CALN1: variants seen among roughly 807,000 people sequenced by gnomAD.
CALN1 encodes calcium-binding protein 8.
Under a neutral mutation model 30.6 loss-of-function variants are expected in CALN1, and 17 were observed. That is an observed-to-expected ratio of 0.56 (90% CI 0.38 to 0.83). The LOEUF (loss-of-function observed/expected upper bound fraction) is 0.83. CALN1 is among the 40% of genes least tolerant of loss of function. The pLI is 0.00. For missense variants in CALN1, 291 were observed against 354.9 expected (o/e 0.82, Z 1.45); for synonymous variants, 156 against 131.4 (o/e 1.19, Z -1.28).
intron 4 of CALN1, among the ~76,000 whole-genome samples, chr7:72,043,812 C>T (rs546414223): frequency 6.2e-4 from 95 of 152,266 alleles, no homozygotes; most frequent in African/African-American, 2.1e-3. Flanking sequence ...TAAAGACACA[C>T]ATGAGACTGG....
At chr7:72,363,210 G>T (rs1347278373) in intron 2 of CALN1, among the ~76,000 whole-genome samples, 1 of 151,854 alleles carries the variant, frequency 6.6e-6, no homozygotes, top group Non-Finnish European at 1.5e-5. Context: ...AGTGTGTGTT[G>T]TTCCCTTCTG....
chr7:72,401,910 C>A (rs1014119306), intron 2 of CALN1, among the ~76,000 whole-genome samples: 1 of 152,152 alleles, frequency 6.6e-6, no homozygotes, highest in Non-Finnish European at 1.5e-5. Context: ...CATGCCCCAC[C>A]CCCTTTTCCA....
At chr7:72,319,831 T>TA (rs1288835107) in intron 2 of CALN1, among the ~76,000 whole-genome samples, 5 of 151,856 alleles carry the variant, frequency 3.3e-5, no homozygotes, top group South Asian at 2.1e-4. Flanking sequence ...AGTGGAAACA[T>TA]AGACAATGGA....
intron 5 of CALN1, among the ~76,000 whole-genome samples, chr7:71,896,869 C>T (rs369925817): frequency 1.8e-4 from 27 of 152,196 alleles, no homozygotes; most frequent in African/African-American, 6.5e-4. Context: ...AGGAGAATGG[C>T]GAGATTCCTG....
At chr7:72,308,982 T>C (rs553302728) in intron 2 of CALN1, among the ~76,000 whole-genome samples, 1 of 152,328 alleles carries the variant, frequency 6.6e-6, no homozygotes, top group East Asian at 1.9e-4. Flanking sequence ...TTCTAGGCAA[T>C]GTTAAGTAAT....
chr7:71,837,243 C>CAAA (rs55977265), intron 5 of CALN1, among the ~76,000 whole-genome samples: 1,276 of 79,026 alleles, frequency 0.016, 31 homozygotes, highest in African/African-American at 0.034. Flanking sequence ...AAAAAAAAGA[C>CAAA]AAAAAAAAAA....
rs3065015 is a variant in CALN1 at position 72,079,761 on chromosome 7, C to CTTTTTT, written c.388+26384_388+26389dup. Among the ~76,000 whole-genome samples, 226 of 104,026 alleles carry CTTTTTT rather than the reference C, an allele frequency of 2.2e-3. 14 individuals carry two copies. The highest frequency in any genetic ancestry group is 7.7e-3 in the African/African-American group (192 of 25,046). 68.2% of individuals were successfully genotyped at this position (104,026 alleles called of 152,430 possible). A position where few individuals can be genotyped will look rare whatever the true frequency, so the allele number is the denominator to read the frequency against. On this transcript the variant is annotated intron_variant, in intron 4 of 6. Coordinates refer to ENST00000395275, the MANE Select transcript of CALN1 (RefSeq NM_031468.4). The stretch of plus-strand genomic sequence containing the variant: ...AAATGCCCAAGAGGTTGCCTTTTTC[C>CTTTTTT]TTTTTTTTTTTTTTTTTTTTTTTTT...
At chr7:71,911,393 C>T (rs895344408) in intron 5 of CALN1, among the ~76,000 whole-genome samples, 1 of 152,118 alleles carries the variant, frequency 6.6e-6, no homozygotes, top group Non-Finnish European at 1.5e-5. Flanking sequence ...CTGCAAGGAA[C>T]CACGCTCGGT....
At position 71,793,738 on chromosome 7, in the gene CALN1, C is replaced by T. The variant is rs549884393; in HGVS notation, c.659-5836G>A. 7.4e-4 allele frequency among the ~76,000 whole-genome samples: 113 copies of T among 152,014 alleles called. No individual in the cohort carries two copies. In the Middle Eastern group the frequency reaches 0.014, roughly 18 times the overall value. On this transcript the variant is annotated intron_variant, in intron 6 of 6. Coordinates refer to ENST00000395275, the MANE Select transcript of CALN1 (RefSeq NM_031468.4). ...AATACACAGAAAAATTAACTGAGCA[C>T]GGTGTTGTGTGCCTGTAATCCCCGC...
the CALN1 span, among the ~76,000 whole-genome samples, chr7:72,465,396 C>T: frequency 6.6e-6 from 1 of 152,204 alleles, no homozygotes; most frequent in Non-Finnish European, 1.5e-5. Flanking sequence ...TTCCTTGCCC[C>T]TATAGTAGGC....
At chr7:72,052,942 G>A (rs1196638938) in intron 4 of CALN1, among the ~76,000 whole-genome samples, 2 of 152,104 alleles carry the variant, frequency 1.3e-5, no homozygotes, top group Non-Finnish European at 2.9e-5. Context: ...CACTTTGAGA[G>A]GCCAAGGCCA....
chr7:72,205,179 G>GT (rs944747707), intron 3 of CALN1, among the ~76,000 whole-genome samples: 1 of 151,218 alleles, frequency 6.6e-6, no homozygotes, highest in Non-Finnish European at 1.5e-5. Context: ...TCTTTCCTCA[G>GT]TTTTTTTGTT....
intron 2 of CALN1, among the ~76,000 whole-genome samples, chr7:72,333,889 C>T (rs1448893671): frequency 6.6e-6 from 1 of 152,100 alleles, no homozygotes; most frequent in Non-Finnish European, 1.5e-5. Context: ...ATTCACTCAA[C>T]GAATATAGGG....
chr7:72,141,136 T>C (rs981577066), intron 3 of CALN1, among the ~76,000 whole-genome samples: 3 of 151,936 alleles, frequency 2.0e-5, no homozygotes, highest in African/African-American at 4.8e-5. Flanking sequence ...AATTATCCAA[T>C]AGAAAAATTA....
At chr7:71,986,989 G>A (rs575504638) in intron 5 of CALN1, among the ~76,000 whole-genome samples, 24 of 152,074 alleles carry the variant, frequency 1.6e-4, no homozygotes, top group Non-Finnish European at 2.4e-4. Flanking sequence ...TTAGCCGGGC[G>A]GTAGTATACG....
At chr7:71,971,562 C>G (rs1278901662) in intron 5 of CALN1, among the ~76,000 whole-genome samples, 1 of 152,124 alleles carries the variant, frequency 6.6e-6, no homozygotes, top group Non-Finnish European at 1.5e-5. Context: ...ATTGTCACAT[C>G]TGCAAGAAGC....
At chr7:72,393,203 C>T (rs976294957) in intron 2 of CALN1, among the ~76,000 whole-genome samples, 28 of 152,264 alleles carry the variant, frequency 1.8e-4, no homozygotes, top group African/African-American at 6.5e-4. Context: ...CGCAGTGGCT[C>T]ACACCTGTAA....
intron 1 of CALN1, among the ~76,000 whole-genome samples, chr7:72,408,235 C>A (rs1806837941): frequency 6.7e-6 from 1 of 150,094 alleles, no homozygotes. Flanking sequence ...GAGTTTGAGC[C>A]CAGCCTGGCC....
chr7:72,249,270 C>A (rs1489784695), intron 3 of CALN1, among the ~76,000 whole-genome samples: 1 of 152,192 alleles, frequency 6.6e-6, no homozygotes, highest in African/African-American at 2.4e-5. Flanking sequence ...ACAGAGGTGT[C>A]ATCTTCCTGT....
Sources: gnomAD v4.1 joint callset for allele counts (sites outside exome capture counted in the v4.1 genomes callset) on GRCh38, gnomAD v4.1.1 for gene constraint, MANE v1.5 for transcripts, NCBI Gene and HGNC (gene_info 2026-07-23, HGNC 2026-07-21) for gene names.